TMEM220: variants seen among roughly 807,000 people sequenced by gnomAD.
TMEM220 encodes transmembrane protein 220.
TMEM220 carries 21 observed loss-of-function variants against 21.7 expected under a neutral mutation model. The ratio of observed to expected loss-of-function variants is 0.97; its 90% CI spans 0.69 to 1.39. The LOEUF is 1.39. Ranked by LOEUF, TMEM220 falls within the 40% of genes most tolerant of loss-of-function variation. TMEM220 has a pLI of 0.00. For missense variants in TMEM220, 191 were observed against 201.9 expected (o/e 0.95, Z 0.33); for synonymous variants, 80 against 73.6 (o/e 1.09, Z -0.45).
rs576631910 is a variant in TMEM220 at position 10,725,129 on chromosome 17, C to T, written c.169G>A (p.Val57Ile). The T allele has an allele frequency of 1.1e-5, 18 of 1,613,798 alleles. No individual in the cohort carries two copies. In the South Asian group the frequency reaches 2.0e-4, roughly 18 times the overall value. The change falls in exon 4 of 6, where the codon GTT (valine) becomes ATT (isoleucine). Residue 57 changes from valine to isoleucine, a missense_variant. Physicochemically the swap from Val to Ile is conservative, Grantham distance 29. Coordinates refer to ENST00000341871, the MANE Select transcript of TMEM220 (RefSeq NM_001004313.3). ...ATTGCAGAGATACTTTTCCAAATAACATTACCTAAAAATAGATGTTCTGAT... is the reference window on the plus strand; with the variant it reads ...ATTGCAGAGATACTTTTCCAAATAATATTACCTAAAAATAGATGTTCTGAT... ...VGLNPEVTGN[V>I]IWKSISAIHI...
At chr17:10,726,405 G>A in intron 2 of TMEM220, 141 bp from the exon 3 acceptor site, 1 of 699,962 alleles carries the variant, frequency 1.4e-6, no homozygotes, top group South Asian at 1.6e-5. Context: ...AATGGTGATT[G>A]AGAAAGTGGT....
At chr17:10,729,520 A>G (rs1443321878) in intron 1 of TMEM220, among the ~76,000 whole-genome samples, 1 of 152,186 alleles carries the variant, frequency 6.6e-6, no homozygotes, top group Non-Finnish European at 1.5e-5. Flanking sequence ...GCTTCTTCTG[A>G]GGTCCCCTGG....
intron 5 of TMEM220, among the ~76,000 whole-genome samples, chr17:10,717,974 C>T (rs2074942734): frequency 6.6e-6 from 1 of 152,090 alleles, no homozygotes; most frequent in Non-Finnish European, 1.5e-5. Flanking sequence ...GTGCCCGCCA[C>T]CATGCCCAGC....
chr17:10,728,995 C>T, intron 2 of TMEM220, 36 bp downstream of exon 2: 4 of 1,613,122 alleles, frequency 2.5e-6, no homozygotes, highest in Non-Finnish European at 2.5e-6. Context: ...CCAATTCTTC[C>T]AAACGGAGGA....
At chr17:10,728,949 G>C in intron 2 of TMEM220, 82 bp downstream of exon 2, 2 of 1,439,498 alleles carry the variant, frequency 1.4e-6, no homozygotes, top group East Asian at 2.3e-5. Context: ...AGGGAGGAGG[G>C]GTAAAGACAT....
At chr17:10,726,311 A>G in intron 2 of TMEM220, 47 bp from the exon 3 acceptor site, 2 of 1,408,786 alleles carry the variant, frequency 1.4e-6, no homozygotes, top group Middle Eastern at 1.8e-4. Context: ...ATGTATGCCC[A>G]ATATATGAGA....
chr17:10,727,820 A>G (rs1023205318), intron 2 of TMEM220, among the ~76,000 whole-genome samples: 1 of 152,158 alleles, frequency 6.6e-6, no homozygotes, highest in African/African-American at 2.4e-5. Context: ...AGTCTTGTGT[A>G]TCTATATTGA....
chr17:10,715,480 C>A lies in TMEM220; in HGVS notation c.456G>T (p.Trp152Cys). Residue 152 changes from tryptophan to cysteine, a missense_variant, in exon 6 of 6, where the codon TGG (tryptophan) becomes TGT (cysteine). Transcript: ENST00000341871. ...AAATTACTGTCTTGCAGTGAGTTGG[C>A]CAAGAGGACCGCATTTCCTTGTTAA... ...IYINKEMRSSWPTHCKTVI is the reference protein window; with the variant it reads ...IYINKEMRSSCPTHCKTVI The A allele has an allele frequency of 6.3e-7, 1 of 1,594,066 alleles. No homozygotes were observed. The highest frequency in any genetic ancestry group is 2.3e-5 in the East Asian group (1 of 44,050).
At chr17:10,716,358 T>G in intron 5 of TMEM220, 1 of 642,886 alleles carries the variant, frequency 1.6e-6, no homozygotes, top group Non-Finnish European at 3.0e-6. Context: ...TACTTTTATG[T>G]ACATAAGCCT....
At chr17:10,715,883 G>C in intron 5 of TMEM220, 1 of 347,590 alleles carries the variant, frequency 2.9e-6, no homozygotes, top group Non-Finnish European at 5.2e-6. Context: ...TGCTGTTTAA[G>C]AATTTCCCTC....
At chr17:10,716,321 C>T (rs760984336) in intron 5 of TMEM220, 1 of 650,660 alleles carries the variant, frequency 1.5e-6, no homozygotes, top group Non-Finnish European at 3.0e-6. Context: ...TCACTGTCAT[C>T]AATTATACTC....
At chr17:10,721,761 TTA>T (rs1269528310) in intron 5 of TMEM220, among the ~76,000 whole-genome samples, 2 of 151,356 alleles carry the variant, frequency 1.3e-5, no homozygotes, top group South Asian at 2.1e-4. Context: ...CTCTCTGCTT[TTA>T]TATATGTTTG....
downstream of TMEM220, chr17:10,711,353 T>G (rs185933947): frequency 1.2e-3 from 661 of 559,610 alleles, no homozygotes; most frequent in African/African-American, 0.011. Flanking sequence ...GGGAGGAAAC[T>G]GAGGCAGGGG....
intron 1 of TMEM220, 30 bp from the exon 2 acceptor site, chr17:10,729,090 A>G (rs1236945678): frequency 4.5e-5 from 72 of 1,613,742 alleles, no homozygotes; most frequent in Non-Finnish European, 5.8e-5. Flanking sequence ...AGGTGTTAGC[A>G]GACATCCTGT....
At position 10,725,178 on chromosome 17, in the gene TMEM220, C is replaced by T. The variant is rs374455629; in HGVS notation, c.164-44G>A. On this transcript the variant is annotated intron_variant, in intron 3 of 5. Transcript: ENST00000341871. ...ATGTTGTTAACCACGGAATCACAGC[C>T]CACAGAAAAAAAAAATGATCTTTTT... is the stretch of plus-strand genomic sequence containing the variant. 6.9e-6 allele frequency: 11 copies of T among 1,597,600 alleles called. No individual in the cohort carries two copies. In the African/African-American group the frequency reaches 1.2e-4, roughly 18 times the overall value.
chr17:10,718,064 C>T (rs905410381), intron 5 of TMEM220, among the ~76,000 whole-genome samples: 11 of 152,106 alleles, frequency 7.2e-5, no homozygotes, highest in African/African-American at 2.4e-4. Context: ...TCAGGTGATC[C>T]GCCCACCTCA....
rs2075033797 is a variant in TMEM220 at position 10,725,070 on chromosome 17, G to A, written c.228C>T (p.Gly76=). 6.2e-7 allele frequency: 1 copy of A among 1,614,090 alleles called. No homozygotes were observed. Among genetic ancestry groups the A allele is most frequent in the Admixed American group, 1.7e-5 (1 of 60,008 alleles). The part of the protein sequence containing the change: ...HILFCTVWAV[G]LASYLLHRTQ... ...TACGATGCAAGAGGTAGGACGCCAA[G>A]CCAACAGCCCACACCGTACAAAAGA... Residue 76 remains glycine, a synonymous_variant, in exon 4 of 6, where the codon GGC becomes GGT. Coordinates refer to ENST00000341871, the MANE Select transcript of TMEM220 (RefSeq NM_001004313.3).
Position 10,729,907 on chromosome 17 carries a change from C to T in TMEM220, c.-56G>A. 7.9e-7 allele frequency: 1 copy of T among 1,273,688 alleles called. No homozygotes were observed. 78.9% of individuals were successfully genotyped at this position (1,273,688 alleles called of 1,614,324 possible). A position where few individuals can be genotyped will look rare whatever the true frequency, so the allele number is the denominator to read the frequency against. ...TCCTGCCACGTGCGGGGCGGTGAGT[C>T]CTGCCACGTACGGTCCGCCTTCCTC... On this transcript the variant is annotated 5_prime_UTR_variant, in exon 1 of 6. Transcript: ENST00000341871.
chr17:10,712,308 G>A (rs1010645186), downstream of TMEM220, among the ~76,000 whole-genome samples: 3 of 152,130 alleles, frequency 2.0e-5, no homozygotes, highest in South Asian at 2.1e-4. Context: ...TTCAGCCTTC[G>A]TCTTGCAAGG....
Sources: gnomAD v4.1 joint callset for allele counts (sites outside exome capture counted in the v4.1 genomes callset) on GRCh38, gnomAD v4.1.1 for gene constraint, MANE v1.5 for transcripts, NCBI Gene and HGNC (gene_info 2026-07-23, HGNC 2026-07-21) for gene names.